The following IGFL2 variants were observed in gnomAD, a reference collection of about 807,000 sequenced individuals.
The protein encoded by IGFL2 is IGF like family member 2, also known as insulin growth factor-like family member 2.
IGFL2 carries 7 observed loss-of-function variants against 13.9 expected under a neutral mutation model. The observed-to-expected ratio is 0.51, with a 90% CI of 0.29 to 0.95. The LOEUF is 0.95. IGFL2 is among the 40% of genes least tolerant of loss of function. The pLI is 0.08. For missense variants in IGFL2, 138 were observed against 147.8 expected (o/e 0.93, Z 0.34); for synonymous variants, 55 against 55.8 (o/e 0.99, Z 0.07).
At chr19:46,211,317 G>A in the IGFL2 span, among the ~76,000 whole-genome samples, 9 of 152,198 alleles carry the variant, frequency 5.9e-5, no homozygotes, top group African/African-American at 1.9e-4. Flanking sequence ...TGGAGAAAAT[G>A]ACTCACACAG....
the IGFL2 span, among the ~76,000 whole-genome samples, chr19:46,082,913 G>T: frequency 1.3e-5 from 2 of 152,068 alleles, no homozygotes; most frequent in African/African-American, 4.8e-5. Context: ...GGCTAAGAAG[G>T]ACTTGCACAA....
the IGFL2 span, among the ~76,000 whole-genome samples, chr19:46,193,272 G>T: frequency 6.6e-6 from 1 of 152,106 alleles, no homozygotes; most frequent in Non-Finnish European, 1.5e-5. Flanking sequence ...ATTGTGAAAT[G>T]CCGTGTCGTC....
upstream of IGFL2, among the ~76,000 whole-genome samples, chr19:46,142,396 A>T (rs191430758): frequency 6.6e-6 from 1 of 152,252 alleles, no homozygotes; most frequent in Non-Finnish European, 1.5e-5. Context: ...CTAGCAGTCT[A>T]TCCAGGGTTT....
the IGFL2 span, among the ~76,000 whole-genome samples, chr19:46,128,643 A>G: frequency 2.0e-5 from 3 of 152,212 alleles, no homozygotes. Flanking sequence ...GCAATGAATC[A>G]CATTTATTGA....
chr19:46,193,439 A>G, the IGFL2 span, among the ~76,000 whole-genome samples: 1 of 152,308 alleles, frequency 6.6e-6, no homozygotes, highest in Non-Finnish European at 1.5e-5. Context: ...GGCTTTCTTT[A>G]TCGTAAAATA....
chr19:46,171,549 G>C, the IGFL2 span, among the ~76,000 whole-genome samples: 1 of 152,122 alleles, frequency 6.6e-6, no homozygotes, highest in East Asian at 1.9e-4. Context: ...TCCATTTTCT[G>C]TCAGGGCAAA....
chr19:46,201,946 G>C, the IGFL2 span, among the ~76,000 whole-genome samples: 1 of 152,170 alleles, frequency 6.6e-6, no homozygotes, highest in Non-Finnish European at 1.5e-5. Flanking sequence ...GAACAAAACT[G>C]TAAGCTGGAC....
At chr19:46,177,587 G>A in the IGFL2 span, among the ~76,000 whole-genome samples, 1 of 152,108 alleles carries the variant, frequency 6.6e-6, no homozygotes, top group South Asian at 2.1e-4. Flanking sequence ...TTGGGGACAT[G>A]GTCCAAGGTA....
At chr19:46,194,868 T>A in the IGFL2 span, among the ~76,000 whole-genome samples, 46 of 131,816 alleles carry the variant, frequency 3.5e-4, no homozygotes, top group Admixed American at 5.5e-4. Flanking sequence ...TTTTTTTTTT[T>A]TTTTTTTTTT....
chr19:46,201,362 C>T, the IGFL2 span, among the ~76,000 whole-genome samples: 5 of 152,242 alleles, frequency 3.3e-5, no homozygotes, highest in Non-Finnish European at 7.3e-5. Context: ...ACTCCAGTCT[C>T]CTCTTCCTGC....
chr19:46,190,818 T>C, the IGFL2 span, among the ~76,000 whole-genome samples: 1 of 152,204 alleles, frequency 6.6e-6, no homozygotes, highest in African/African-American at 2.4e-5. Context: ...ATCACGGACC[T>C]GGATCTTTTT....
At chr19:46,141,642 T>A (rs966048680), upstream of IGFL2, among the ~76,000 whole-genome samples, 1 of 152,100 alleles carries the variant, frequency 6.6e-6, no homozygotes, top group African/African-American at 2.4e-5. Context: ...ACAACATGAC[T>A]CACCTACCAG....
chr19:46,079,171 C>A, the IGFL2 span, among the ~76,000 whole-genome samples: 1 of 148,322 alleles, frequency 6.7e-6, no homozygotes, highest in East Asian at 1.9e-4. Context: ...CGGCTTTGGC[C>A]GCCATGTTTT....
At chr19:46,105,543 T>C in the IGFL2 span, among the ~76,000 whole-genome samples, 3 of 152,012 alleles carry the variant, frequency 2.0e-5, no homozygotes, top group African/African-American at 7.3e-5. Flanking sequence ...TCAGGTGGGG[T>C]ATCAGGAATA....
the IGFL2 span, among the ~76,000 whole-genome samples, chr19:46,101,333 C>A: frequency 6.6e-6 from 1 of 152,230 alleles, no homozygotes; most frequent in Non-Finnish European, 1.5e-5. Flanking sequence ...GAAAGTAAGT[C>A]TGCTGGTTTG....
At chr19:46,200,711 G>C in the IGFL2 span, 1 of 152,112 alleles carries the variant, frequency 6.6e-6, no homozygotes, top group East Asian at 1.9e-4. Flanking sequence ...TGTAAAGACT[G>C]GATTTTGCCA....
intron 1 of IGFL2, chr19:46,149,072 T>C (rs887618441): frequency 2.6e-6 from 4 of 1,543,386 alleles, no homozygotes; most frequent in Admixed American, 1.8e-5. Context: ...GGACTGAGTT[T>C]TGTTGTGTGT....
the IGFL2 span, among the ~76,000 whole-genome samples, chr19:46,083,326 T>G: frequency 2.0e-5 from 3 of 152,222 alleles, no homozygotes; most frequent in Non-Finnish European, 4.4e-5. Context: ...TACTGAAACT[T>G]ATTCACAAAA....
At chr19:46,134,815 G>A in the IGFL2 span, among the ~76,000 whole-genome samples, 1 of 152,176 alleles carries the variant, frequency 6.6e-6, no homozygotes, top group South Asian at 2.1e-4. Flanking sequence ...GTTCCTAAAA[G>A]CAGACACACT....
Sources: gnomAD v4.1 joint callset for allele counts (sites outside exome capture counted in the v4.1 genomes callset) on GRCh38, gnomAD v4.1.1 for gene constraint, MANE v1.5 for transcripts, NCBI Gene and HGNC (gene_info 2026-07-23, HGNC 2026-07-21) for gene names.